The following SBF2 variants were observed in gnomAD, a reference collection of about 807,000 sequenced individuals.
SBF2 encodes the protein myotubularin-related protein 13.
SBF2 carries 112 observed loss-of-function variants against 225.2 expected under a neutral mutation model. The observed-to-expected ratio is 0.50, with a 90% CI of 0.43 to 0.58. The LOEUF is 0.58. Among genes scored for constraint, SBF2 ranks in the 20% least tolerant of loss-of-function variants. The pLI is 0.00. For missense variants in SBF2, 1,996 were observed against 2,206.2 expected (o/e 0.90, Z 1.91); for synonymous variants, 763 against 773.3 (o/e 0.99, Z 0.22).
intron 2 of SBF2, among the ~76,000 whole-genome samples, chr11:10,191,518 G>T (rs1474210016): frequency 6.6e-6 from 1 of 151,846 alleles, no homozygotes; most frequent in Non-Finnish European, 1.5e-5. Context: ...ATCCATTATG[G>T]AAAAAGGAAA....
At chr11:10,015,049 G>A (rs1368681019) in intron 6 of SBF2, among the ~76,000 whole-genome samples, 1 of 152,136 alleles carries the variant, frequency 6.6e-6, no homozygotes, top group Non-Finnish European at 1.5e-5. Context: ...TAGGAGGACT[G>A]CCTGAGCCCA....
intron 32 of SBF2, among the ~76,000 whole-genome samples, chr11:9,807,044 T>C (rs909330371): frequency 6.6e-6 from 1 of 152,228 alleles, no homozygotes; most frequent in Non-Finnish European, 1.5e-5. Context: ...CCTGAAAACA[T>C]AGTTCTGCCT....
At chr11:9,913,390 T>C (rs541162654) in intron 16 of SBF2, among the ~76,000 whole-genome samples, 3 of 152,144 alleles carry the variant, frequency 2.0e-5, no homozygotes, top group South Asian at 4.2e-4. Context: ...AGCCACCAGA[T>C]TGGGAAAAAT....
chr11:9,881,993 A>G (rs942137585), intron 17 of SBF2, among the ~76,000 whole-genome samples: 10 of 152,304 alleles, frequency 6.6e-5, no homozygotes, highest in African/African-American at 2.4e-4. Flanking sequence ...GTGTTTAAAA[A>G]AAGAAAAATA....
chr11:9,929,596 C>A (rs1864332458), intron 16 of SBF2, among the ~76,000 whole-genome samples: 1 of 152,184 alleles, frequency 6.6e-6, no homozygotes, highest in Admixed American at 6.5e-5. Flanking sequence ...GCAAGGCCTG[C>A]AGCTGGCATT....
chr11:10,287,443 G>A (rs139435229), intron 1 of SBF2, among the ~76,000 whole-genome samples: 1 of 152,096 alleles, frequency 6.6e-6, no homozygotes, highest in African/African-American at 2.4e-5. Flanking sequence ...CACCACGCCA[G>A]GCTATTTTTT....
intron 1 of SBF2, among the ~76,000 whole-genome samples, chr11:10,206,061 G>A (rs954372496): frequency 6.6e-6 from 1 of 151,706 alleles, no homozygotes; most frequent in South Asian, 2.1e-4. Flanking sequence ...GTACTCCCCA[G>A]TGACATCAGG....
chr11:10,174,582 AC>A (rs1428302075), intron 2 of SBF2, among the ~76,000 whole-genome samples: 10 of 152,314 alleles, frequency 6.6e-5, no homozygotes, highest in African/African-American at 2.4e-4. Flanking sequence ...GTTGGAAAAC[AC>A]TCTGCAGGAT....
At chr11:10,095,478 C>T (rs928965577) in intron 2 of SBF2, among the ~76,000 whole-genome samples, 5 of 152,112 alleles carry the variant, frequency 3.3e-5, no homozygotes, top group African/African-American at 7.2e-5. Flanking sequence ...GTACTTTCAA[C>T]AGCCAACTAT....
intron 2 of SBF2, among the ~76,000 whole-genome samples, chr11:10,147,953 A>C (rs1029302525): frequency 6.6e-6 from 1 of 152,218 alleles, no homozygotes; most frequent in East Asian, 1.9e-4. Context: ...TAAAACAGGA[A>C]TAACATTCAC....
chr11:10,156,200 C>T (rs1017753401), intron 2 of SBF2, among the ~76,000 whole-genome samples: 1 of 152,210 alleles, frequency 6.6e-6, no homozygotes, highest in Non-Finnish European at 1.5e-5. Flanking sequence ...TGGATGCTGT[C>T]GCCACCTGGC....
chr11:9,900,984 A>C (rs558771514), intron 16 of SBF2, among the ~76,000 whole-genome samples: 1 of 151,902 alleles, frequency 6.6e-6, no homozygotes, highest in East Asian at 1.9e-4. Context: ...TTCTGCCTCC[A>C]CCTCTCAAAA....
intron 1 of SBF2, among the ~76,000 whole-genome samples, chr11:10,200,774 C>T (rs1957540853): frequency 6.6e-6 from 1 of 151,508 alleles, no homozygotes; most frequent in Non-Finnish European, 1.5e-5. Flanking sequence ...GACAAACTCT[C>T]AATAAAAACA....
intron 1 of SBF2, among the ~76,000 whole-genome samples, chr11:10,244,863 C>T (rs916542587): frequency 2.0e-5 from 3 of 151,886 alleles, no homozygotes; most frequent in African/African-American, 2.4e-5. Flanking sequence ...AGGCCAGGGG[C>T]GGTGGTGCAT....
intron 25 of SBF2, 32 bp from the exon 26 acceptor site, chr11:9,839,728 G>T: frequency 6.3e-7 from 1 of 1,594,144 alleles, no homozygotes; most frequent in East Asian, 2.2e-5. Context: ...TCGAAGAAAT[G>T]ATTAGCTCAA....
At chr11:9,824,571 AAAAAAAG>A (rs1229889662) in intron 28 of SBF2, among the ~76,000 whole-genome samples, 1 of 151,944 alleles carries the variant, frequency 6.6e-6, no homozygotes, top group Non-Finnish European at 1.5e-5. Flanking sequence ...CAAAAAAAAA[AAAAAAAG>A]AAAAAAAGAA....
chr11:9,900,041 TTTTAA>T (rs1861599273), intron 16 of SBF2, among the ~76,000 whole-genome samples: 2 of 78,472 alleles, frequency 2.5e-5, no homozygotes, highest in African/African-American at 1.2e-4. Context: ...TTTTTTTTTT[TTTTAA>T]AAAAAAAAAA....
chr11:10,063,383 A>C (rs1950517313), intron 2 of SBF2, among the ~76,000 whole-genome samples: 1 of 149,710 alleles, frequency 6.7e-6, no homozygotes, highest in African/African-American at 2.4e-5. Flanking sequence ...TTTGAGACAG[A>C]GTCTTGCTCT....
intron 2 of SBF2, among the ~76,000 whole-genome samples, chr11:10,173,860 C>T (rs947149150): frequency 1.3e-5 from 2 of 151,510 alleles, no homozygotes; most frequent in African/African-American, 4.9e-5. Flanking sequence ...ACCCCTGACC[C>T]CCGAGCAGCC....
Sources: gnomAD v4.1 joint callset for allele counts (sites outside exome capture counted in the v4.1 genomes callset) on GRCh38, gnomAD v4.1.1 for gene constraint, MANE v1.5 for transcripts, NCBI Gene and HGNC (gene_info 2026-07-23, HGNC 2026-07-21) for gene names.